The following PTPRD variants were observed in gnomAD, a reference collection of about 807,000 sequenced individuals.
PTPRD encodes protein tyrosine phosphatase receptor type D.
Under a neutral mutation model 214.5 loss-of-function variants are expected in PTPRD, and 34 were observed. The observed-to-expected ratio is 0.16, with a 90% CI of 0.12 to 0.21. PTPRD has a LOEUF of 0.21. PTPRD is among the 10% of genes least tolerant of loss of function. The pLI, the probability that PTPRD is intolerant of heterozygous loss-of-function variation, is 1.00. For missense variants in PTPRD, 2,545 were observed against 2,398.7 expected, an observed-to-expected ratio of 1.06 and a Z score of -1.27; for synonymous variants, 1,128 against 845.7, an observed-to-expected ratio of 1.33 and a Z score of -5.79.
At chr9:9,206,379 T>C (rs886081317) in intron 9 of PTPRD, among the ~76,000 whole-genome samples, 5 of 152,196 alleles carry the variant, frequency 3.3e-5, no homozygotes, top group African/African-American at 1.2e-4. Flanking sequence ...GGCAATTATG[T>C]GAAAACTATA....
chr9:8,514,909 A>C (rs2097758199), intron 21 of PTPRD, among the ~76,000 whole-genome samples: 1 of 152,052 alleles, frequency 6.6e-6, no homozygotes, highest in Admixed American at 6.5e-5. Flanking sequence ...AATTCTCACG[A>C]GATCTAATGG....
intron 9 of PTPRD, among the ~76,000 whole-genome samples, chr9:9,234,340 G>A (rs186400488): frequency 6.6e-6 from 1 of 152,188 alleles, no homozygotes; most frequent in South Asian, 2.1e-4. Context: ...GATGCATAGA[G>A]TGGGCGGGCC....
At chr9:9,678,610 C>T (rs904965849) in intron 7 of PTPRD, among the ~76,000 whole-genome samples, 5 of 151,676 alleles carry the variant, frequency 3.3e-5, no homozygotes, top group Non-Finnish European at 7.4e-5. Flanking sequence ...CTATTACAAG[C>T]ATCATTTGGC....
intron 9 of PTPRD, among the ~76,000 whole-genome samples, chr9:9,271,069 A>G (rs1439641954): frequency 6.6e-6 from 1 of 151,298 alleles, no homozygotes; most frequent in East Asian, 2.0e-4. Flanking sequence ...GGTGGAGATA[A>G]GGAGGACCGA....
At chr9:9,835,310 G>T (rs1234441145) in intron 5 of PTPRD, among the ~76,000 whole-genome samples, 4 of 151,866 alleles carry the variant, frequency 2.6e-5, no homozygotes, top group Admixed American at 1.3e-4. Context: ...TTTACATTTT[G>T]GATTCAATAA....
intron 4 of PTPRD, among the ~76,000 whole-genome samples, chr9:10,002,348 T>A (rs3051050): frequency 2.7e-5 from 3 of 112,338 alleles, no homozygotes; most frequent in African/African-American, 2.7e-5. Flanking sequence ...ATATATATAT[T>A]TATATAAAGA....
intron 9 of PTPRD, among the ~76,000 whole-genome samples, chr9:9,361,550 G>A (rs1442898281): frequency 6.6e-6 from 1 of 150,630 alleles, no homozygotes; most frequent in Non-Finnish European, 1.5e-5. Flanking sequence ...ACATAACAGA[G>A]GTACATGTTT....
At chr9:9,351,583 A>C (rs1379682330) in intron 9 of PTPRD, among the ~76,000 whole-genome samples, 1 of 152,096 alleles carries the variant, frequency 6.6e-6, no homozygotes, top group Non-Finnish European at 1.5e-5. Flanking sequence ...ACCCTGACAC[A>C]GAACATGTTA....
At chr9:9,644,948 T>A (rs1380181750) in intron 7 of PTPRD, among the ~76,000 whole-genome samples, 1 of 152,194 alleles carries the variant, frequency 6.6e-6, no homozygotes, top group Non-Finnish European at 1.5e-5. Context: ...GTAACCTGAT[T>A]CTTCCTGGAT....
intron 10 of PTPRD, among the ~76,000 whole-genome samples, chr9:9,173,318 T>C (rs780802735): frequency 6.6e-6 from 1 of 152,186 alleles, no homozygotes; most frequent in Non-Finnish European, 1.5e-5. Flanking sequence ...TCAAGTCTGG[T>C]ATTCAGCAAG....
At chr9:9,425,479 G>A (rs933209072) in intron 8 of PTPRD, among the ~76,000 whole-genome samples, 1 of 144,418 alleles carries the variant, frequency 6.9e-6, no homozygotes. Flanking sequence ...ATATATATAT[G>A]TTTGGTGCAA....
chr9:8,903,935 G>A (rs1587746942), intron 11 of PTPRD, among the ~76,000 whole-genome samples: 1 of 152,240 alleles, frequency 6.6e-6, no homozygotes, highest in East Asian at 1.9e-4. Flanking sequence ...GTGTCTCATA[G>A]TAGATTTGTA....
intron 8 of PTPRD, among the ~76,000 whole-genome samples, chr9:9,501,892 C>G (rs1024267035): frequency 6.6e-6 from 1 of 151,746 alleles, no homozygotes; most frequent in African/African-American, 2.4e-5. Context: ...AAAAACAACA[C>G]AGAGAAAACT....
intron 9 of PTPRD, among the ~76,000 whole-genome samples, chr9:9,345,403 A>G (rs1340573695): frequency 6.6e-6 from 1 of 152,090 alleles, no homozygotes; most frequent in African/African-American, 2.4e-5. Flanking sequence ...GGAGGCATGA[A>G]GGCAGAGGCT....
At chr9:9,826,764 T>A (rs2053024963) in intron 5 of PTPRD, among the ~76,000 whole-genome samples, 1 of 152,040 alleles carries the variant, frequency 6.6e-6, no homozygotes, top group Admixed American at 6.6e-5. Context: ...AACCCCATTG[T>A]CTCAGCCCAA....
chr9:10,151,031 G>A (rs573832616), intron 3 of PTPRD, among the ~76,000 whole-genome samples: 1 of 149,502 alleles, frequency 6.7e-6, no homozygotes, highest in South Asian at 2.1e-4. Flanking sequence ...GGGTGTATGA[G>A]TGTATACTTT....
chr9:10,062,689 C>A (rs903621758), intron 3 of PTPRD, among the ~76,000 whole-genome samples: 2 of 145,376 alleles, frequency 1.4e-5, no homozygotes, highest in Non-Finnish European at 2.9e-5. Flanking sequence ...GAGAGGTACC[C>A]TACTTAGGAA....
chr9:8,502,838 A>G (rs1232330620), intron 23 of PTPRD, among the ~76,000 whole-genome samples: 1 of 147,082 alleles, frequency 6.8e-6, no homozygotes, highest in African/African-American at 2.5e-5. Context: ...TTCAATATGT[A>G]TGTGTGTGTG....
At chr9:10,219,456 G>T (rs932780085) in intron 3 of PTPRD, among the ~76,000 whole-genome samples, 2 of 151,644 alleles carry the variant, frequency 1.3e-5, no homozygotes, top group Admixed American at 1.3e-4. Flanking sequence ...GGCATTAATT[G>T]GGTTTACCCC....
Sources: gnomAD v4.1 joint callset for allele counts (sites outside exome capture counted in the v4.1 genomes callset) on GRCh38, gnomAD v4.1.1 for gene constraint, MANE v1.5 for transcripts, NCBI Gene and HGNC (gene_info 2026-07-23, HGNC 2026-07-21) for gene names.